IQCE: variants seen among roughly 807,000 people sequenced by gnomAD.
IQCE encodes IQ motif containing E.
Under a neutral mutation model 96.0 loss-of-function variants are expected in IQCE, and 115 were observed. The ratio of observed to expected loss-of-function variants is 1.20; its 90% CI spans 1.03 to 1.40. The LOEUF (loss-of-function observed/expected upper bound fraction) is 1.40. Ranked by LOEUF, IQCE falls within the 40% of genes most tolerant of loss-of-function variation. The probability of loss-of-function intolerance (pLI) is 0.00; values close to 1 mark genes in which losing one functional copy is unlikely to be tolerated. For missense variants in IQCE, 1,041 were observed against 909.1 expected, an observed-to-expected ratio of 1.15 and a Z score of -1.87; for synonymous variants, 412 against 371.2, an observed-to-expected ratio of 1.11 and a Z score of -1.26.
intron 21 of IQCE, 84 bp downstream of exon 21, chr7:2,607,311 C>A: frequency 6.3e-7 from 1 of 1,576,974 alleles, no homozygotes; most frequent in East Asian, 2.3e-5. Context: ...CCAGGAAGCC[C>A]GGGCTGTGTC....
At chr7:2,591,575 C>G (rs888620542) in intron 14 of IQCE, among the ~76,000 whole-genome samples, 1 of 151,896 alleles carries the variant, frequency 6.6e-6, no homozygotes, top group African/African-American at 2.4e-5. Context: ...CCTACCCCAG[C>G]CTTCGGAATC....
intron 1 of IQCE, among the ~76,000 whole-genome samples, chr7:2,564,724 G>A (rs1289619608): frequency 1.3e-5 from 2 of 152,112 alleles, no homozygotes; most frequent in South Asian, 2.1e-4. Flanking sequence ...TGTGGCCTAT[G>A]GTCTGGTTTA....
At chr7:2,595,054 C>A in intron 16 of IQCE, 78 bp downstream of exon 16, 1 of 1,015,754 alleles carries the variant, frequency 9.8e-7, no homozygotes. Context: ...GTTTCCCTGT[C>A]CAGAGTTTTT....
Position 2,602,250 on chromosome 7 carries a change from C to T in IQCE, c.1632+786C>T, listed in dbSNP as rs965958329. ...AGCCGGTGGGACAAGGAGTCTGAGA[C>T]GGGGCCAGGGCATGGAACTGGAATG... On this transcript the variant is annotated intron_variant, in intron 18 of 21. Coordinates refer to ENST00000402050, the MANE Select transcript of IQCE (RefSeq NM_152558.5). Among the ~76,000 whole-genome samples, 15 of 152,238 alleles carry T rather than the reference C, an allele frequency of 9.9e-5. No homozygotes were observed. The South Asian group carries it at 2.5e-3, about 25-fold the overall frequency.
rs769551720 is a variant in IQCE, at chr7:2,571,507, C to T, written c.131-19C>T. ...TGTTGCTGTCCGGCACCTCTGAATC[C>T]ACGTGTTGGCTTTTCCAGAGTCACC... On this transcript the variant is annotated intron_variant, in intron 3 of 21. Coordinates refer to ENST00000402050, the MANE Select transcript of IQCE (RefSeq NM_152558.5). The T allele has an allele frequency of 1.1e-5, 18 of 1,605,290 alleles. No homozygotes were observed. The highest frequency in any genetic ancestry group is 1.4e-5 in the Non-Finnish European group (17 of 1,179,918).
intron 3 of IQCE, among the ~76,000 whole-genome samples, chr7:2,569,616 C>G (rs770464612): frequency 1.3e-5 from 2 of 152,148 alleles, no homozygotes; most frequent in African/African-American, 2.4e-5. Context: ...TGTACAGCAG[C>G]CCGTGTGCCG....
intron 8 of IQCE, chr7:2,582,163 C>G (rs965472563): frequency 6.9e-6 from 3 of 434,320 alleles, no homozygotes; most frequent in Admixed American, 2.9e-5. Context: ...GTCTCCCACC[C>G]TCACTCACTG....
intron 3 of IQCE, among the ~76,000 whole-genome samples, 185 bp downstream of exon 3, chr7:2,569,184 TG>T (rs1781588370): frequency 6.6e-6 from 1 of 152,122 alleles, no homozygotes; most frequent in Non-Finnish European, 1.5e-5. Flanking sequence ...GGGTTCATGC[TG>T]GGGTCTCAGG....
chr7:2,609,690 T>C (rs1016627727), intron 21 of IQCE, among the ~76,000 whole-genome samples: 1 of 151,764 alleles, frequency 6.6e-6, no homozygotes, highest in African/African-American at 2.4e-5. Context: ...AGAGTGAGGC[T>C]TTCTAGCAGG....
intron 15 of IQCE, 135 bp downstream of exon 15, chr7:2,593,261 T>G: frequency 2.9e-6 from 4 of 1,359,866 alleles, no homozygotes; most frequent in Non-Finnish European, 3.9e-6. Flanking sequence ...CAGTCTTTCA[T>G]GGTTTTCTGT....
intron 13 of IQCE, among the ~76,000 whole-genome samples, chr7:2,588,510 C>T (rs1440828222): frequency 2.0e-5 from 3 of 151,724 alleles, no homozygotes; most frequent in Admixed American, 6.6e-5. Flanking sequence ...CCCACCACCA[C>T]ACCCGGGTAA....
Position 2,578,244 on chromosome 7 carries a change from A to C in IQCE, c.468A>C (p.Ser156=). 1.2e-6 allele frequency: 2 copies of C among 1,611,746 alleles called. No homozygotes were observed. Among genetic ancestry groups the C allele is most frequent in the Non-Finnish European group, 1.7e-6 (2 of 1,178,098 alleles). The change falls in exon 7 of 22, where the codon TCA becomes TCC. Residue 156 remains serine, a splice_region_variant and synonymous_variant. Coordinates refer to ENST00000402050, the MANE Select transcript of IQCE (RefSeq NM_152558.5). The part of the protein sequence containing the change: ...MYDEIIELKK[S]LHVQKSDVDL... Reference sequence around the variant, plus strand: ...TGCATGGCCCTTGTTTTCTTCAGTCATTGCACGTGCAGAAGAGCGACGTGG... The same window carrying C: ...TGCATGGCCCTTGTTTTCTTCAGTCCTTGCACGTGCAGAAGAGCGACGTGG...
Position 2,598,589 on chromosome 7 carries a change from C to G in IQCE, c.1565C>G (p.Ala522Gly), listed in dbSNP as rs765474850. Residue 522 changes from alanine to glycine, a missense_variant, in exon 17 of 22, where the codon GCG becomes GGG. Coordinates refer to ENST00000402050, the MANE Select transcript of IQCE (RefSeq NM_152558.5). ...SPCSDGRRDA[A>G]ARVLQAQWKV... ...TGCTCTGATGGGAGAAGAGACGCCG[C>G]GGCCAGAGTCCTGCAGGCCCAGTGG... The G allele has an allele frequency of 3.1e-6, 5 of 1,600,788 alleles. No homozygotes were observed. The highest frequency in any genetic ancestry group is 4.3e-6 in the Non-Finnish European group (5 of 1,174,066).
chr7:2,572,131 C>CA, intron 4 of IQCE, 61 bp from the exon 5 acceptor site: 1 of 1,528,246 alleles, frequency 6.5e-7, no homozygotes, highest in South Asian at 1.2e-5. Flanking sequence ...TGATTAGAAA[C>CA]AAAACCTCCC....
intron 16 of IQCE, among the ~76,000 whole-genome samples, chr7:2,596,384 G>A (rs1241277086): frequency 6.6e-6 from 1 of 150,584 alleles, no homozygotes; most frequent in Non-Finnish European, 1.5e-5. Flanking sequence ...TTTTCTGTGT[G>A]GTGGGGTTAT....
At chr7:2,589,842 T>A in intron 13 of IQCE, 65 bp from the exon 14 acceptor site, 1 of 1,521,646 alleles carries the variant, frequency 6.6e-7, no homozygotes, top group Non-Finnish European at 9.1e-7. Flanking sequence ...GTCTCTTTTC[T>A]GGGTTTGGTA....
At position 2,598,499 on chromosome 7, in the gene IQCE, G is replaced by C; in HGVS notation, c.1475G>C (p.Arg492Thr). 6.2e-7 allele frequency: 1 copy of C among 1,604,502 alleles called. No individual in the cohort carries two copies. Among genetic ancestry groups the C allele is most frequent in the South Asian group, 1.1e-5 (1 of 90,000 alleles). The change falls in exon 17 of 22, where the codon AGG (arginine) becomes ACG (threonine). Residue 492 changes from arginine to threonine, a missense_variant. Transcript: ENST00000402050. ...QELPAPTPSS[R>T]HCEQDWPPDS... ...CTCCCAGCTCCCACTCCCAGCAGCAGGCACTGCGAGCAAGACTGGCCGCCG... is the reference window on the plus strand; with the variant it reads ...CTCCCAGCTCCCACTCCCAGCAGCACGCACTGCGAGCAAGACTGGCCGCCG...
chr7:2,614,153 G>A lies in IQCE; in HGVS notation c.*3991G>A, dbSNP rs1266508886. On this transcript the variant is annotated 3_prime_UTR_variant, in exon 22 of 22. Coordinates refer to ENST00000402050, the MANE Select transcript of IQCE (RefSeq NM_152558.5). ...AAAAAAGGCAATTGAATTAGGAAAA[G>A]ATAGCCCAACCTAGCTCAGATCCAC... The A allele has an allele frequency of 6.6e-6, 1 of 152,144 alleles. No individual in the cohort carries two copies. The highest frequency in any genetic ancestry group is 1.5e-5 in the Non-Finnish European group (1 of 68,038). 9.4% of individuals were successfully genotyped at this position (152,144 alleles called of 1,614,324 possible). A position where few individuals can be genotyped will look rare whatever the true frequency, so the allele number is the denominator to read the frequency against.
intron 1 of IQCE, chr7:2,566,671 C>T: frequency 5.7e-6 from 1 of 176,396 alleles, no homozygotes; most frequent in South Asian, 1.2e-4. Context: ...CAGTGTCTCA[C>T]CATGTTGCCC....
Sources: allele counts gnomAD v4.1 joint callset (sites outside exome capture counted in the v4.1 genomes callset), GRCh38; gene constraint gnomAD v4.1.1; transcripts MANE v1.5; gene names NCBI Gene and HGNC (gene_info 2026-07-23, HGNC 2026-07-21).